The following UBE2O variants were observed in gnomAD, a reference collection of about 807,000 sequenced individuals.
UBE2O encodes ubiquitin conjugating enzyme E2 O.
A neutral mutation model predicts 125.8 loss-of-function variants in UBE2O; 15 were observed. The observed-to-expected ratio is 0.12, with a 90% CI of 0.08 to 0.18. UBE2O has a LOEUF of 0.18. UBE2O is among the 10% of genes least tolerant of loss of function. The pLI is 1.00. For missense variants in UBE2O, 1,280 were observed against 1,723.6 expected (o/e 0.74, Z 4.56); for synonymous variants, 708 against 703.2 (o/e 1.01, Z -0.11).
rs1233345949 is a variant in UBE2O at position 76,398,584 on chromosome 17, A to G, written c.1784T>C (p.Val595Ala). ...GACAGCAGGGTCTGGACAGCTCTGG[A>G]CTAGGGAACCAGAGAAAGGGAAGTG... ...CPGDFVVDKRVQSCPDPAVYG... is the reference protein window; with the variant it reads ...CPGDFVVDKRAQSCPDPAVYG... The change falls in exon 11 of 18, where the codon GTC (valine) becomes GCC (alanine). Residue 595 changes from valine to alanine, a missense_variant and splice_region_variant. This residue lies in a region of UBE2O where 145 missense variants were observed against 219.6 expected (regional missense o/e 0.66). Transcript: ENST00000319380. The surrounding 1 kb of genome is among the most constrained non-coding windows in gnomAD (Gnocchi z 5.4). The G allele has an allele frequency of 3.7e-6, 6 of 1,613,414 alleles. No homozygotes were observed. Among genetic ancestry groups the G allele is most frequent in the Non-Finnish European group, 3.4e-6 (4 of 1,179,498 alleles).
intron 1 of UBE2O, among the ~76,000 whole-genome samples, chr17:76,426,320 C>T (rs2072809998): frequency 6.6e-6 from 1 of 152,148 alleles, no homozygotes; most frequent in Admixed American, 6.5e-5. Context: ...TTTTTCTACT[C>T]TACTTGACGT....
Position 76,452,639 on chromosome 17 carries a change from C to G in UBE2O, c.417+86G>C. On this transcript the variant is annotated intron_variant, in intron 1 of 17. Transcript: ENST00000319380. The surrounding 1 kb of genome is among the most constrained non-coding windows in gnomAD (Gnocchi z 4.4). ...GCCACTGCAGTGGCACCGCTCCGGGCAGGGCCCTGCACGCCGTCCTTCCCT... is the reference window on the plus strand; with the variant it reads ...GCCACTGCAGTGGCACCGCTCCGGGGAGGGCCCTGCACGCCGTCCTTCCCT... 2 of 1,243,664 alleles carry G rather than the reference C, an allele frequency of 1.6e-6. No homozygotes were observed. The highest frequency in any genetic ancestry group is 2.0e-6 in the Non-Finnish European group (2 of 976,520). The allele number at this position is 1,243,664 out of a possible 1,614,324, so 77.0% of individuals were successfully genotyped here.
rs2072257379 is a variant in UBE2O, at chr17:76,398,563, G to A, written c.1805C>T (p.Ala602Val). The change falls in exon 11 of 18, where the codon GCT becomes GTT. Residue 602 changes from alanine to valine, a missense_variant. This residue lies in a region of UBE2O where 145 missense variants were observed against 219.6 expected (regional missense o/e 0.66). Coordinates refer to ENST00000319380, the MANE Select transcript of UBE2O (RefSeq NM_022066.4). The surrounding 1 kb of genome is among the most constrained non-coding windows in gnomAD (Gnocchi z 5.4). ...DKRVQSCPDP[A>V]VYGVVQSGDH... is the part of the protein sequence containing the mutation. ...CCCAGACTGTACCACACCGTAGACA[G>A]CAGGGTCTGGACAGCTCTGGACTAG... 3.1e-6 allele frequency: 5 copies of A among 1,613,952 alleles called. No homozygotes were observed. The highest frequency in any genetic ancestry group is 3.4e-6 in the Non-Finnish European group (4 of 1,180,026).
intron 1 of UBE2O, among the ~76,000 whole-genome samples, chr17:76,407,301 G>C (rs567637592): frequency 2.6e-5 from 4 of 152,336 alleles, no homozygotes; most frequent in African/African-American, 9.6e-5. Context: ...AGGCTGGAGA[G>C]GCATGCTGGC....
chr17:76,437,969 C>T (rs916865552), intron 1 of UBE2O, among the ~76,000 whole-genome samples: 9 of 152,146 alleles, frequency 5.9e-5, no homozygotes, highest in Admixed American at 1.3e-4. Context: ...TGCCTGGATG[C>T]CTCCAGGCAT....
At position 76,390,833 on chromosome 17, in the gene UBE2O, G is replaced by A. The variant is rs2072095769; in HGVS notation, c.*110C>T. The stretch of plus-strand genomic sequence containing the variant: ...TCACCTTGGGGAGAAGAGGGCAGTG[G>A]GTTTGCAGTGGGGACAGAGGGGCAT... On this transcript the variant is annotated 3_prime_UTR_variant, in exon 18 of 18. Transcript: ENST00000319380. 1 of 1,112,452 alleles carries A rather than the reference G, an allele frequency of 9.0e-7. No individual in the cohort carries two copies. Among genetic ancestry groups the A allele is most frequent in the Non-Finnish European group, 1.3e-6 (1 of 782,574 alleles). 68.9% of individuals were successfully genotyped at this position (1,112,452 alleles called of 1,614,324 possible).
intron 1 of UBE2O, among the ~76,000 whole-genome samples, chr17:76,406,737 T>C: frequency 7.3e-6 from 1 of 136,206 alleles, no homozygotes; most frequent in South Asian, 2.7e-4. Context: ...TCTCGCTGTG[T>C]TGCCCAAACT....
intron 1 of UBE2O, among the ~76,000 whole-genome samples, chr17:76,437,909 G>A (rs1406988775): frequency 2.0e-5 from 3 of 152,182 alleles, no homozygotes; most frequent in Non-Finnish European, 4.4e-5. Context: ...AGAATTAAAG[G>A]AAGATGGGGG....
Position 76,395,603 on chromosome 17 carries a change from T to C in UBE2O, c.2946+122A>G, listed in dbSNP as rs760013983. 3.0e-5 allele frequency: 37 copies of C among 1,218,656 alleles called. No individual in the cohort carries two copies. Among genetic ancestry groups the C allele is most frequent in the Non-Finnish European group, 4.1e-5 (36 of 876,224 alleles). The allele number at this position is 1,218,656 out of a possible 1,614,324, so 75.5% of individuals were successfully genotyped here. A position where few individuals can be genotyped will look rare whatever the true frequency, so the allele number is the denominator to read the frequency against. On this transcript the variant is annotated intron_variant, in intron 15 of 17. Coordinates refer to ENST00000319380, the MANE Select transcript of UBE2O (RefSeq NM_022066.4). The surrounding 1 kb of genome is among the most constrained non-coding windows in gnomAD (Gnocchi z 5.0). ...TGTGACCGCCCCTGTAAAAGGTGGGTGGGTGAGTGTCCTCGCAGGTGCCAG... is the reference window on the plus strand; with the variant it reads ...TGTGACCGCCCCTGTAAAAGGTGGGCGGGTGAGTGTCCTCGCAGGTGCCAG...
chr17:76,415,649 A>G (rs991254860), intron 1 of UBE2O, among the ~76,000 whole-genome samples: 6 of 152,170 alleles, frequency 3.9e-5, no homozygotes, highest in African/African-American at 1.4e-4. Flanking sequence ...TACTAAAAAT[A>G]CAAAAATCAG....
Position 76,396,366 on chromosome 17 carries a change from G to T in UBE2O, c.2571C>A (p.Ile857=). The change falls in exon 14 of 18, where the codon ATC becomes ATA. Residue 857 remains isoleucine, a synonymous_variant. Transcript: ENST00000319380. This position sits in a 1 kb window ranked among gnomAD's most constrained non-coding sequence, Gnocchi z 6.7. ...TCTTGAGGTTTTCCTGTAGCTTCTT[G>T]ATGTCATCCAGAAACTTCTTCTCCC... is the stretch of plus-strand genomic sequence containing the variant. The part of the protein sequence containing the change: ...PTREKKFLDD[I]KKLQENLKKT... 3 of 1,614,170 alleles carry T rather than the reference G, an allele frequency of 1.9e-6. No homozygotes were observed. The highest frequency in any genetic ancestry group is 1.7e-6 in the Non-Finnish European group (2 of 1,180,040).
Position 76,399,384 on chromosome 17 carries a change from G to A in UBE2O, c.1628+65C>T. 1 of 1,490,938 alleles carries A rather than the reference G, an allele frequency of 6.7e-7. No individual in the cohort carries two copies. The highest frequency in any genetic ancestry group is 9.2e-7 in the Non-Finnish European group (1 of 1,082,250). 92.4% of individuals were successfully genotyped at this position (1,490,938 alleles called of 1,614,324 possible). ...GTGCGAGCGCAGGCACGCACACCGA[G>A]GGGACGCGCACTCTGCCTGGCTTCA... On this transcript the variant is annotated intron_variant, in intron 9 of 17. Coordinates refer to ENST00000319380, the MANE Select transcript of UBE2O (RefSeq NM_022066.4). This position sits in a 1 kb window ranked among gnomAD's most constrained non-coding sequence, Gnocchi z 6.9.
intron 1 of UBE2O, among the ~76,000 whole-genome samples, chr17:76,415,574 G>A (rs559901597): frequency 6.6e-6 from 1 of 152,310 alleles, no homozygotes; most frequent in East Asian, 1.9e-4. Flanking sequence ...AGAGGGCAAG[G>A]CGGTTGGATC....
At chr17:76,411,604 G>C (rs1270130876) in intron 1 of UBE2O, among the ~76,000 whole-genome samples, 7 of 152,226 alleles carry the variant, frequency 4.6e-5, no homozygotes, top group Non-Finnish European at 1.0e-4. Context: ...CAAACAGGAC[G>C]AGACATGGGT....
chr17:76,394,655 T>C (rs1278418401), intron 15 of UBE2O, among the ~76,000 whole-genome samples: 1 of 152,034 alleles, frequency 6.6e-6, no homozygotes, highest in Non-Finnish European at 1.5e-5. Flanking sequence ...ATAAATAATG[T>C]AAAAGTATAA....
rs150832597 is a variant in UBE2O at position 76,410,700 on chromosome 17, G to A, written c.418-5128C>T. 5.6e-3 allele frequency among the ~76,000 whole-genome samples: 857 copies of A among 152,230 alleles called. 6 individuals are homozygous for A. The highest frequency in any genetic ancestry group is 9.3e-3 in the Non-Finnish European group (633 of 68,000). ...TTTGAGCTCCCCGAAGCTATGCTGGGGGCCACTCAGAGCAGGCATTCAGGA... is the reference window on the plus strand; with the variant it reads ...TTTGAGCTCCCCGAAGCTATGCTGGAGGCCACTCAGAGCAGGCATTCAGGA... On this transcript the variant is annotated intron_variant, in intron 1 of 17. Transcript: ENST00000319380. The surrounding 1 kb of genome is among the most constrained non-coding windows in gnomAD (Gnocchi z 4.0).
intron 1 of UBE2O, among the ~76,000 whole-genome samples, chr17:76,445,878 C>T (rs945181534): frequency 2.6e-5 from 4 of 152,178 alleles, no homozygotes; most frequent in Non-Finnish European, 5.9e-5. Context: ...CAATTCCGAA[C>T]GGGCACTCTT....
chr17:76,433,755 C>T (rs142843966), intron 1 of UBE2O, among the ~76,000 whole-genome samples: 10 of 150,354 alleles, frequency 6.7e-5, no homozygotes, highest in African/African-American at 2.4e-4. Context: ...TCGGCCAGTG[C>T]GGTGGCCTGT....
intron 1 of UBE2O, among the ~76,000 whole-genome samples, chr17:76,446,370 C>G (rs1182171957): frequency 6.6e-6 from 1 of 152,084 alleles, no homozygotes; most frequent in Non-Finnish European, 1.5e-5. Flanking sequence ...ACAGGTTCCA[C>G]TGGATTCCAT....
Sources: gnomAD v4.1 joint callset for allele counts (sites outside exome capture counted in the v4.1 genomes callset) on GRCh38, gnomAD v4.1.1 for gene constraint, gnomAD v4.1.1 regional missense constraint, Gnocchi (gnomAD v3.1) non-coding constraint, MANE v1.5 for transcripts, NCBI Gene and HGNC (gene_info 2026-07-23, HGNC 2026-07-21) for gene names.